The following IKZF1 variants were observed in gnomAD, a reference collection of about 807,000 sequenced individuals.
IKZF1 encodes DNA-binding protein Ikaros.
In IKZF1, 10 loss-of-function variants were observed where a neutral mutation model predicts 51.7. That is an observed-to-expected ratio of 0.19 (90% CI 0.12 to 0.33). IKZF1 has a LOEUF of 0.33. Among genes scored for constraint, IKZF1 ranks in the 10% least tolerant of loss-of-function variants. The pLI, the probability that IKZF1 is intolerant of heterozygous loss-of-function variation, is 1.00. For synonymous variants in IKZF1, 280 were observed against 282.3 expected, an observed-to-expected ratio of 0.99 and a Z score of 0.08; for missense variants, 484 against 707.5, an observed-to-expected ratio of 0.68 and a Z score of 3.58.
intron 6 of IKZF1, 48 bp downstream of exon 6, chr7:50,387,518 A>C (rs781092424): frequency 7.0e-6 from 11 of 1,563,814 alleles, no homozygotes; most frequent in Non-Finnish European, 9.5e-6. Flanking sequence ...TCCCCCCAGC[A>C]CGGTGGGGAA....
chr7:50,397,494 A>G (rs1377520255), intron 7 of IKZF1, among the ~76,000 whole-genome samples: 1 of 152,170 alleles, frequency 6.6e-6, no homozygotes, highest in African/African-American at 2.4e-5. Flanking sequence ...CCACAGAACC[A>G]TGACTTGGGG....
intron 4 of IKZF1, among the ~76,000 whole-genome samples, chr7:50,381,359 T>G (rs1811795289): frequency 6.6e-6 from 1 of 152,238 alleles, no homozygotes; most frequent in African/African-American, 2.4e-5. Context: ...CACCAGGAAT[T>G]GTGGTCACAT....
chr7:50,318,934 T>C (rs1792334382), intron 1 of IKZF1, 114 bp from the exon 2 acceptor site: 6 of 655,834 alleles, frequency 9.1e-6, no homozygotes, highest in East Asian at 2.6e-5. Flanking sequence ...AAATGCATTA[T>C]TCTTGCTAGA....
At chr7:50,388,028 G>A (rs376568972) in intron 6 of IKZF1, among the ~76,000 whole-genome samples, 3 of 152,164 alleles carry the variant, frequency 2.0e-5, no homozygotes, top group South Asian at 4.1e-4. Flanking sequence ...AGGAAAGGTC[G>A]CTTCTTTCTT....
chr7:50,354,263 A>C (rs1433510861), intron 3 of IKZF1, among the ~76,000 whole-genome samples: 1 of 152,080 alleles, frequency 6.6e-6, no homozygotes, highest in Non-Finnish European at 1.5e-5. Flanking sequence ...AAAATGGAAA[A>C]CCAGTGCAAA....
intron 6 of IKZF1, among the ~76,000 whole-genome samples, chr7:50,389,427 T>G (rs2153493665): frequency 6.6e-6 from 1 of 152,316 alleles, no homozygotes; most frequent in East Asian, 1.9e-4. Flanking sequence ...CCCTAAAATG[T>G]TCATTTATTC....
intron 3 of IKZF1, among the ~76,000 whole-genome samples, chr7:50,340,000 C>T (rs1798699531): frequency 1.3e-5 from 2 of 152,092 alleles, no homozygotes; most frequent in African/African-American, 2.4e-5. Flanking sequence ...TGTTGACTTC[C>T]TTAGATTAAA....
chr7:50,316,467 C>T lies in IKZF1; in HGVS notation c.-14-2581C>T, dbSNP rs901381034. On this transcript the variant is annotated intron_variant, in intron 1 of 7. Transcript: ENST00000331340. Reference sequence around the variant, plus strand: ...TGGAAATGTCCAGCAGGCCCACGTGCGAAAATGCAGAGCTCTCTGGCTCTT... The same window carrying T: ...TGGAAATGTCCAGCAGGCCCACGTGTGAAAATGCAGAGCTCTCTGGCTCTT... Among the ~76,000 whole-genome samples, 7 of 152,172 alleles carry T rather than the reference C, an allele frequency of 4.6e-5. No individual in the cohort carries two copies. The East Asian group carries it at 7.7e-4, about 17-fold the overall frequency.
intron 6 of IKZF1, among the ~76,000 whole-genome samples, chr7:50,391,413 G>A (rs563024633): frequency 2.0e-5 from 3 of 152,322 alleles, no homozygotes; most frequent in African/African-American, 7.2e-5. Flanking sequence ...AAGTTAAAAG[G>A]ACTTGTCAAA....
intron 1 of IKZF1, among the ~76,000 whole-genome samples, chr7:50,313,092 C>T (rs1487045218): frequency 6.6e-6 from 1 of 152,212 alleles, no homozygotes; most frequent in African/African-American, 2.4e-5. Context: ...GATACAAAGA[C>T]TTTGCACATT....
At chr7:50,308,990 C>A (rs886171309) in intron 1 of IKZF1, 1 of 152,570 alleles carries the variant, frequency 6.6e-6, no homozygotes, top group Non-Finnish European at 1.5e-5. Flanking sequence ...GGTGTTTCCA[C>A]AGTGGGTGGC....
Position 50,403,909 on chromosome 7 carries a change from C to T in IKZF1, c.*3282C>T. On this transcript the variant is annotated 3_prime_UTR_variant, in exon 8 of 8. Coordinates refer to ENST00000331340, the MANE Select transcript of IKZF1 (RefSeq NM_006060.6). ...GCGAGATGAACTGGACTTATGTAGA[C>T]AAATCGTGATGCCAGTGTATCCTTC... The T allele has an allele frequency of 4.6e-6, 1 of 218,098 alleles. No individual in the cohort carries two copies. 13.5% of individuals were successfully genotyped at this position (218,098 alleles called of 1,614,324 possible).
intron 2 of IKZF1, among the ~76,000 whole-genome samples, chr7:50,324,000 G>A (rs1284159727): frequency 1.3e-5 from 2 of 152,182 alleles, no homozygotes; most frequent in African/African-American, 4.8e-5. Flanking sequence ...CAGAAAGCCA[G>A]AACTATGTCC....
chr7:50,307,979 T>C (rs919006541), intron 1 of IKZF1, among the ~76,000 whole-genome samples: 1 of 152,232 alleles, frequency 6.6e-6, no homozygotes, highest in Non-Finnish European at 1.5e-5. Context: ...TGTATTTCTT[T>C]GCAGTTTAAT....
rs750404101 is a variant in IKZF1, at chr7:50,368,242, G to A, written c.161-8291G>A. On this transcript the variant is annotated intron_variant, in intron 3 of 7. Transcript: ENST00000331340. The stretch of plus-strand genomic sequence containing the variant: ...TTTATACCATAAAGTGCAAAACGAA[G>A]GTCTAGGCAGTTGTGCGGTGTCCTG... 4 of 703,104 alleles carry A rather than the reference G, an allele frequency of 5.7e-6. No individual in the cohort carries two copies. In the African/African-American group the frequency reaches 7.0e-5, roughly 12 times the overall value. The allele number at this position is 703,104 out of a possible 1,614,324, so 43.6% of individuals were successfully genotyped here. A position where few individuals can be genotyped will look rare whatever the true frequency, so the allele number is the denominator to read the frequency against.
intron 7 of IKZF1, among the ~76,000 whole-genome samples, chr7:50,395,366 C>A (rs1816420240): frequency 6.6e-6 from 1 of 152,002 alleles, no homozygotes; most frequent in Admixed American, 6.6e-5. Context: ...TTTTAAATAT[C>A]CTCTGACATA....
intron 3 of IKZF1, among the ~76,000 whole-genome samples, chr7:50,358,539 C>G (rs913718694): frequency 6.6e-6 from 1 of 152,154 alleles, no homozygotes; most frequent in African/African-American, 2.4e-5. Context: ...TGGTTTCATA[C>G]GTGAGGAAGC....
intron 3 of IKZF1, among the ~76,000 whole-genome samples, chr7:50,343,340 A>T (rs2153419993): frequency 6.6e-6 from 1 of 150,806 alleles, no homozygotes; most frequent in Middle Eastern, 3.4e-3. Flanking sequence ...TTTCATCAAG[A>T]TTCTGTTACT....
chr7:50,343,300 C>T (rs1799546436), intron 3 of IKZF1, among the ~76,000 whole-genome samples: 1 of 146,504 alleles, frequency 6.8e-6, no homozygotes, highest in Non-Finnish European at 1.5e-5. Context: ...CCATCCCTTT[C>T]TTCCTTTTAA....
Sources: allele counts gnomAD v4.1 joint callset (sites outside exome capture counted in the v4.1 genomes callset), GRCh38; gene constraint gnomAD v4.1.1; transcripts MANE v1.5; gene names NCBI Gene and HGNC (gene_info 2026-07-23, HGNC 2026-07-21).